PSTPIP2: variants seen among roughly 807,000 people sequenced by gnomAD.
PSTPIP2 encodes proline-serine-threonine phosphatase-interacting protein 2.
Under a neutral mutation model 63.3 loss-of-function variants are expected in PSTPIP2, and 33 were observed. That is an observed-to-expected ratio of 0.52 (90% CI 0.40 to 0.70). The LOEUF (loss-of-function observed/expected upper bound fraction) is 0.70, where lower values mean the gene tolerates loss of function less well. Among genes scored for constraint, PSTPIP2 ranks in the 30% least tolerant of loss-of-function variants. The probability of loss-of-function intolerance (pLI) is 0.00; values close to 1 mark genes in which losing one functional copy is unlikely to be tolerated. For missense variants in PSTPIP2, 312 were observed against 400.7 expected, an observed-to-expected ratio of 0.78 and a Z score of 1.89; for synonymous variants, 125 against 132.7, an observed-to-expected ratio of 0.94 and a Z score of 0.40.
At position 46,050,322 on chromosome 18, in the gene PSTPIP2, C is replaced by T. The variant is rs148391707; in HGVS notation, c.34-10275G>A. 2.5e-4 allele frequency among the ~76,000 whole-genome samples: 38 copies of T among 152,282 alleles called. 1 individual carries two copies. The highest frequency in any genetic ancestry group is 4.8e-4 in the African/African-American group (20 of 41,550). On this transcript the variant is annotated intron_variant, in intron 1 of 14. Coordinates refer to ENST00000409746, the MANE Select transcript of PSTPIP2 (RefSeq NM_024430.4). ...CAGTGGTTCACAATCATAAACCCAA[C>T]ACTATGGGAGGCCAAGGTGGGCGGT...
intron 10 of PSTPIP2, among the ~76,000 whole-genome samples, chr18:45,993,057 G>GA (rs1449170326): frequency 1.3e-5 from 2 of 152,122 alleles, no homozygotes; most frequent in East Asian, 3.9e-4. Context: ...AAAGATGACA[G>GA]AAAATGTATC....
At chr18:46,071,149 C>T (rs1421042883) in intron 1 of PSTPIP2, among the ~76,000 whole-genome samples, 1 of 152,092 alleles carries the variant, frequency 6.6e-6, no homozygotes, top group Non-Finnish European at 1.5e-5. Flanking sequence ...TCCCTGAGGT[C>T]CCCAGCCAGG....
intron 6 of PSTPIP2, 30 bp downstream of exon 6, chr18:46,005,439 T>C: frequency 1.3e-6 from 2 of 1,530,700 alleles, no homozygotes; most frequent in Non-Finnish European, 1.8e-6. Flanking sequence ...GTCACCATTA[T>C]CCCAAAAAAG....
intron 1 of PSTPIP2, among the ~76,000 whole-genome samples, chr18:46,068,961 A>G (rs1002572976): frequency 1.3e-5 from 2 of 152,128 alleles, no homozygotes; most frequent in African/African-American, 4.8e-5. Context: ...GACAGCCCCA[A>G]GACTTTCCCT....
At chr18:46,014,036 T>C (rs905336984) in intron 4 of PSTPIP2, among the ~76,000 whole-genome samples, 10 of 151,976 alleles carry the variant, frequency 6.6e-5, no homozygotes, top group African/African-American at 2.2e-4. Context: ...GGGATCTTTT[T>C]TTTTTTTAAA....
At chr18:46,063,166 C>T (rs1048780416) in intron 1 of PSTPIP2, among the ~76,000 whole-genome samples, 1 of 152,014 alleles carries the variant, frequency 6.6e-6, no homozygotes, top group Non-Finnish European at 1.5e-5. Flanking sequence ...CCATGCCTTG[C>T]TAATTTTAAA....
chr18:46,013,047 G>A (rs1291336451), intron 4 of PSTPIP2, among the ~76,000 whole-genome samples: 4 of 151,528 alleles, frequency 2.6e-5, no homozygotes, highest in Admixed American at 2.6e-4. Context: ...CTTCTTTACA[G>A]TTAGTTGTCT....
intron 6 of PSTPIP2, 25 bp from the exon 7 acceptor site, chr18:45,999,559 C>T: frequency 6.2e-7 from 1 of 1,612,308 alleles, no homozygotes; most frequent in Non-Finnish European, 8.5e-7. Context: ...ACAAAGAGAA[C>T]CAAAACAAAT....
chr18:46,020,246 A>G (rs1040759637), intron 3 of PSTPIP2, among the ~76,000 whole-genome samples: 1 of 152,196 alleles, frequency 6.6e-6, no homozygotes, highest in African/African-American at 2.4e-5. Context: ...AAAGGAAACT[A>G]TTCTACAACT....
chr18:46,019,342 A>AT (rs1568218530), intron 3 of PSTPIP2, among the ~76,000 whole-genome samples: 2 of 151,938 alleles, frequency 1.3e-5, no homozygotes, highest in Non-Finnish European at 2.9e-5. Context: ...TTCCCACTCT[A>AT]TTTATCTCAA....
chr18:46,049,008 ATG>A (rs59638072), intron 1 of PSTPIP2, among the ~76,000 whole-genome samples: 23,572 of 135,962 alleles, frequency 0.17, 1,923 homozygotes, highest in South Asian at 0.24. Flanking sequence ...GAAAAAAAGC[ATG>A]TGTGTGTGTG....
chr18:45,988,894 C>T, intron 13 of PSTPIP2, 135 bp from the exon 14 acceptor site: 2 of 699,352 alleles, frequency 2.9e-6, no homozygotes, highest in Admixed American at 2.6e-5. Flanking sequence ...GATCTGCCAA[C>T]AAAAACTATA....
At chr18:46,018,216 T>C (rs1228342765) in intron 3 of PSTPIP2, among the ~76,000 whole-genome samples, 2 of 152,280 alleles carry the variant, frequency 1.3e-5, no homozygotes, top group Non-Finnish European at 2.9e-5. Context: ...ATTGCTTCTG[T>C]TGACACCCAG....
intron 1 of PSTPIP2, among the ~76,000 whole-genome samples, chr18:46,071,622 T>C (rs1051241792): frequency 1.3e-5 from 2 of 152,154 alleles, no homozygotes; most frequent in Non-Finnish European, 1.5e-5. Flanking sequence ...CCCTCTATGC[T>C]GTACGTTTCC....
chr18:45,995,357 C>T lies in PSTPIP2; in HGVS notation c.643-1654G>A, dbSNP rs539362041. Among the ~76,000 whole-genome samples, 172 of 152,226 alleles carry T rather than the reference C, an allele frequency of 1.1e-3. 1 individual carries two copies. The highest frequency in any genetic ancestry group is 9.7e-4 in the East Asian group (5 of 5,176). The stretch of plus-strand genomic sequence containing the variant: ...GGCTCAAGCAATCCACCCGCATCAG[C>T]CTCTGAAAGTGCTGGGATTATAGGT... On this transcript the variant is annotated intron_variant, in intron 9 of 14. Coordinates refer to ENST00000409746, the MANE Select transcript of PSTPIP2 (RefSeq NM_024430.4).
At chr18:46,023,709 A>G (rs931748186) in intron 3 of PSTPIP2, among the ~76,000 whole-genome samples, 1 of 152,052 alleles carries the variant, frequency 6.6e-6, no homozygotes, top group African/African-American at 2.4e-5. Context: ...AATAATATCA[A>G]CACAGACCTC....
At chr18:46,040,874 A>G in intron 1 of PSTPIP2, 1 of 391,228 alleles carries the variant, frequency 2.6e-6, no homozygotes, top group Non-Finnish European at 5.1e-6. Flanking sequence ...TGGATCCTCT[A>G]CTGAAGCCCA....
chr18:46,056,856 C>A (rs1310547296), intron 1 of PSTPIP2, among the ~76,000 whole-genome samples: 1 of 152,110 alleles, frequency 6.6e-6, no homozygotes, highest in African/African-American at 2.4e-5. Context: ...AATTCCAGCA[C>A]TTTGGGAGGC....
chr18:46,054,859 C>A (rs1908703797), intron 1 of PSTPIP2, among the ~76,000 whole-genome samples: 1 of 151,808 alleles, frequency 6.6e-6, no homozygotes, highest in Non-Finnish European at 1.5e-5. Context: ...CGGGGCTTTA[C>A]CGTTGGTCAA....
Sources: allele counts gnomAD v4.1 joint callset (sites outside exome capture counted in the v4.1 genomes callset), GRCh38; gene constraint gnomAD v4.1.1; transcripts MANE v1.5; gene names NCBI Gene and HGNC (gene_info 2026-07-23, HGNC 2026-07-21).